The following MBNL2 variants were observed in gnomAD, a reference collection of about 807,000 sequenced individuals.
MBNL2 encodes the protein muscleblind-like protein 2.
A neutral mutation model predicts 41.9 loss-of-function variants in MBNL2; 17 were observed. The ratio of observed to expected loss-of-function variants is 0.41; its 90% CI spans 0.28 to 0.61. The LOEUF (loss-of-function observed/expected upper bound fraction) is 0.61. Ranked by LOEUF, MBNL2 falls within the 20% of genes least tolerant of loss-of-function variation. The pLI is 0.35. For missense variants in MBNL2, 336 were observed against 505.6 expected, an observed-to-expected ratio of 0.66 and a Z score of 3.22; for synonymous variants, 195 against 182.9, an observed-to-expected ratio of 1.07 and a Z score of -0.53.
At chr13:97,179,681 T>G in the MBNL2 span, 1 of 152,248 alleles carries the variant, frequency 6.6e-6, no homozygotes, top group Non-Finnish European at 1.5e-5. Flanking sequence ...CTTTTGCGCC[T>G]TCTTCTGCTC....
chr13:97,210,712 C>T, the MBNL2 span, among the ~76,000 whole-genome samples: 2 of 150,048 alleles, frequency 1.3e-5, no homozygotes, highest in African/African-American at 4.9e-5. Context: ...CATGCCTTAA[C>T]CTCCCAAGTA....
At chr13:97,202,916 G>A in the MBNL2 span, among the ~76,000 whole-genome samples, 10 of 152,310 alleles carry the variant, frequency 6.6e-5, no homozygotes, top group African/African-American at 2.4e-4. Context: ...GTCACAGCCA[G>A]TAGATTTTGT....
At chr13:97,145,399 T>C in the MBNL2 span, among the ~76,000 whole-genome samples, 2 of 151,836 alleles carry the variant, frequency 1.3e-5, no homozygotes, top group African/African-American at 4.8e-5. Context: ...AGGGAAGATA[T>C]GGAGAAAAGG....
Position 97,311,770 on chromosome 13 carries a change from G to A in MBNL2, c.175-22506G>A, listed in dbSNP as rs113554461. On this transcript the variant is annotated intron_variant, in intron 2 of 8. Transcript: ENST00000679496. ...TGAATTAAACATGTGAGGAAATACC[G>A]TTAAGGGGCTACAGGTGGGTTAACG... is the stretch of plus-strand genomic sequence containing the variant. Among the ~76,000 whole-genome samples, 75 of 152,018 alleles carry A rather than the reference G, an allele frequency of 4.9e-4. 4 individuals are homozygous for A. Among genetic ancestry groups the A allele is most frequent in the African/African-American group, 1.7e-3 (72 of 41,476 alleles).
the MBNL2 span, among the ~76,000 whole-genome samples, chr13:97,183,640 C>A: frequency 6.6e-6 from 1 of 152,186 alleles, no homozygotes; most frequent in Admixed American, 6.5e-5. Flanking sequence ...GTTGGGTACG[C>A]CTCCAAAAGC....
At chr13:97,339,876 G>T (rs1018635324) in intron 3 of MBNL2, among the ~76,000 whole-genome samples, 1 of 148,522 alleles carries the variant, frequency 6.7e-6, no homozygotes, top group South Asian at 2.1e-4. Flanking sequence ...TGTGTGGGCG[G>T]GGGGGGCGTT....
At chr13:97,165,578 G>C in the MBNL2 span, among the ~76,000 whole-genome samples, 1 of 152,144 alleles carries the variant, frequency 6.6e-6, no homozygotes, top group Non-Finnish European at 1.5e-5. Flanking sequence ...TTGTAATATG[G>C]ACTTATTCCT....
At chr13:97,223,771 G>A (rs1046526091) in intron 1 of MBNL2, among the ~76,000 whole-genome samples, 2 of 149,674 alleles carry the variant, frequency 1.3e-5, no homozygotes, top group African/African-American at 4.9e-5. Flanking sequence ...AGGAGCAGTA[G>A]AACTACTCAT....
intron 2 of MBNL2, among the ~76,000 whole-genome samples, chr13:97,330,831 A>G (rs1315486004): frequency 6.6e-6 from 1 of 152,230 alleles, no homozygotes; most frequent in African/African-American, 2.4e-5. Context: ...ACAATCCTAT[A>G]GGATCCATTA....
the MBNL2 span, among the ~76,000 whole-genome samples, chr13:97,197,573 C>G: frequency 6.6e-6 from 1 of 152,112 alleles, no homozygotes; most frequent in Non-Finnish European, 1.5e-5. Context: ...TATTTTTTCT[C>G]TAGCCAGTTT....
At chr13:97,189,237 C>T in the MBNL2 span, among the ~76,000 whole-genome samples, 1 of 152,102 alleles carries the variant, frequency 6.6e-6, no homozygotes, top group African/African-American at 2.4e-5. Context: ...ACTCAGTCAC[C>T]GAATTCTAAG....
the MBNL2 span, among the ~76,000 whole-genome samples, chr13:97,202,274 A>G: frequency 6.6e-6 from 1 of 152,160 alleles, no homozygotes; most frequent in Non-Finnish European, 1.5e-5. Flanking sequence ...TCTTCCCACT[A>G]CTTCTATTAA....
intron 3 of MBNL2, among the ~76,000 whole-genome samples, chr13:97,339,866 T>TGGGGGGG (rs1333514307): frequency 1.0e-4 from 8 of 79,352 alleles, no homozygotes; most frequent in African/African-American, 4.6e-4. Context: ...AACTGATTTG[T>TGGGGGGG]GTGTGGGCGG....
At chr13:97,256,191 T>A (rs138470476) in intron 1 of MBNL2, among the ~76,000 whole-genome samples, 21 of 152,210 alleles carry the variant, frequency 1.4e-4, no homozygotes, top group African/African-American at 5.1e-4. Flanking sequence ...AACAGATAAA[T>A]CTTTTGAAGA....
chr13:97,300,994 A>G (rs2057563760), intron 2 of MBNL2, among the ~76,000 whole-genome samples: 1 of 152,230 alleles, frequency 6.6e-6, no homozygotes, highest in Non-Finnish European at 1.5e-5. Context: ...GAATTAGCCA[A>G]ACAAGACATC....
chr13:97,375,653 CAT>C, intron 8 of MBNL2, among the ~76,000 whole-genome samples: 1 of 152,328 alleles, frequency 6.6e-6, no homozygotes, highest in Admixed American at 6.5e-5. Context: ...GAAGACGTCA[CAT>C]GTTTGGTCAC....
the MBNL2 span, among the ~76,000 whole-genome samples, chr13:97,164,580 G>T: frequency 6.6e-6 from 1 of 151,952 alleles, no homozygotes; most frequent in Non-Finnish European, 1.5e-5. Context: ...AAGTGAAAAT[G>T]GTACCATGTA....
chr13:97,231,138 C>T (rs1337088960), intron 1 of MBNL2, among the ~76,000 whole-genome samples: 3 of 152,156 alleles, frequency 2.0e-5, no homozygotes, highest in African/African-American at 7.2e-5. Context: ...CTCAATTGAA[C>T]CCAGCCATAA....
At chr13:97,143,424 G>A in the MBNL2 span, among the ~76,000 whole-genome samples, 29 of 152,168 alleles carry the variant, frequency 1.9e-4, no homozygotes, top group Non-Finnish European at 3.5e-4. Flanking sequence ...CCCCTGTGCC[G>A]TTGAAATCTA....
Sources: gnomAD v4.1 joint callset for allele counts (sites outside exome capture counted in the v4.1 genomes callset) on GRCh38, gnomAD v4.1.1 for gene constraint, MANE v1.5 for transcripts, NCBI Gene and HGNC (gene_info 2026-07-23, HGNC 2026-07-21) for gene names.